NLGN1: variants seen among roughly 807,000 people sequenced by gnomAD.
NLGN1 encodes neuroligin-1.
NLGN1 carries 12 observed loss-of-function variants against 65.5 expected under a neutral mutation model. The observed-to-expected ratio is 0.18, with a 90% CI of 0.12 to 0.30. The LOEUF (loss-of-function observed/expected upper bound fraction) is 0.30. NLGN1 is among the 10% of genes least tolerant of loss of function. The pLI is 1.00. For missense variants in NLGN1, 750 were observed against 1,007.1 expected, an observed-to-expected ratio of 0.74 and a Z score of 3.46; for synonymous variants, 350 against 359.5, an observed-to-expected ratio of 0.97 and a Z score of 0.30.
In NLGN1 at chr3:173,714,150, T is replaced by A. The variant is rs566118322; in HGVS notation, c.494-93530T>A. On this transcript the variant is annotated intron_variant, in intron 3 of 6. Coordinates refer to ENST00000457714, the Ensembl canonical transcript of NLGN1. ...ACAGCGTCTTTTGAAAACATTTATT[T>A]TTTATTGTTGTTATATTGTCACCTC... 5.4e-4 allele frequency among the ~76,000 whole-genome samples: 82 copies of A among 152,284 alleles called. 1 individual carries two copies. The highest frequency in any genetic ancestry group is 6.8e-3 in the Middle Eastern group (2 of 294).
intron 2 of NLGN1, among the ~76,000 whole-genome samples, chr3:173,483,459 A>G (rs936048396): frequency 1.3e-5 from 2 of 152,092 alleles, no homozygotes; most frequent in African/African-American, 4.8e-5. Flanking sequence ...AATTAATGTT[A>G]TTCTACTAGT....
intron 1 of NLGN1, among the ~76,000 whole-genome samples, chr3:173,412,519 T>A (rs1019226717): frequency 2.0e-5 from 3 of 151,304 alleles, no homozygotes; most frequent in Non-Finnish European, 2.9e-5. Context: ...TTTTTTTTAA[T>A]GAGGAAATAG....
chr3:173,657,460 C>T (rs1053684771), intron 3 of NLGN1, among the ~76,000 whole-genome samples: 1 of 151,876 alleles, frequency 6.6e-6, no homozygotes, highest in Non-Finnish European at 1.5e-5. Flanking sequence ...TCCCTCCTGC[C>T]CCCTTTGTTT....
intron 1 of NLGN1, among the ~76,000 whole-genome samples, chr3:173,401,943 CAT>C (rs1352551220): frequency 7.9e-5 from 12 of 152,252 alleles, no homozygotes; most frequent in Non-Finnish European, 1.8e-4. Context: ...AGAATGGAAA[CAT>C]ATAGCGCTTC....
At chr3:173,930,722 A>C (rs968511130) in intron 4 of NLGN1, among the ~76,000 whole-genome samples, 10 of 152,184 alleles carry the variant, frequency 6.6e-5, no homozygotes, top group Non-Finnish European at 1.5e-5. Context: ...TTCATAATAA[A>C]AGAGAACACA....
chr3:174,164,162 G>A (rs1000903937), intron 4 of NLGN1, among the ~76,000 whole-genome samples: 13 of 151,920 alleles, frequency 8.6e-5, no homozygotes, highest in African/African-American at 1.2e-4. Context: ...TCTTATTGTC[G>A]TTTTGATTTG....
intron 2 of NLGN1, among the ~76,000 whole-genome samples, chr3:173,479,412 A>G (rs1284846093): frequency 6.6e-6 from 1 of 152,216 alleles, no homozygotes; most frequent in Non-Finnish European, 1.5e-5. Context: ...GTAGGTCAGG[A>G]ATAGAACTGG....
chr3:174,078,999 T>G (rs907054376), intron 4 of NLGN1, among the ~76,000 whole-genome samples: 2 of 150,318 alleles, frequency 1.3e-5, no homozygotes, highest in Non-Finnish European at 1.5e-5. Flanking sequence ...TACAACGGTG[T>G]GTGTGTGTGT....
chr3:174,288,358 G>T (rs943946582), downstream of NLGN1, among the ~76,000 whole-genome samples: 5 of 151,428 alleles, frequency 3.3e-5, no homozygotes, highest in Non-Finnish European at 7.4e-5. Context: ...CCCCATAAGT[G>T]GTTCCTTAAT....
At chr3:173,539,884 A>G (rs1039465318) in intron 2 of NLGN1, among the ~76,000 whole-genome samples, 2 of 139,998 alleles carry the variant, frequency 1.4e-5, no homozygotes, top group East Asian at 2.2e-4. Flanking sequence ...TCTTATATAT[A>G]TGTTATATAT....
intron 2 of NLGN1, among the ~76,000 whole-genome samples, chr3:173,491,714 G>A (rs946574223): frequency 1.3e-5 from 2 of 151,622 alleles, no homozygotes; most frequent in Non-Finnish European, 1.5e-5. Flanking sequence ...ATACATTTAT[G>A]ACTTCCATAT....
intron 4 of NLGN1, among the ~76,000 whole-genome samples, chr3:173,810,321 AG>A (rs1377844045): frequency 6.6e-6 from 1 of 152,220 alleles, no homozygotes; most frequent in Non-Finnish European, 1.5e-5. Flanking sequence ...TTTGTCTAAC[AG>A]TAAAAAGGTA....
rs1273074189 is a variant in NLGN1, at chr3:173,816,600, C to T, written c.646+8768C>T. Among the ~76,000 whole-genome samples, 3 of 152,232 alleles carry T rather than the reference C, an allele frequency of 2.0e-5. No homozygotes were observed. The East Asian group carries it at 5.8e-4, about 29-fold the overall frequency. ...TGCTTAACCCACTCTAGTGGCTTTC[C>T]ATTATTCATGTAGCATAAAATTCAA... On this transcript the variant is annotated intron_variant, in intron 4 of 6. Coordinates refer to ENST00000457714, the Ensembl canonical transcript of NLGN1.
chr3:174,186,242 A>T (rs1265764193), intron 4 of NLGN1, among the ~76,000 whole-genome samples: 3 of 152,046 alleles, frequency 2.0e-5, no homozygotes, highest in African/African-American at 7.2e-5. Flanking sequence ...AACAAACATG[A>T]CTGTCTTATT....
chr3:174,219,214 A>T (rs1258378212), intron 4 of NLGN1, among the ~76,000 whole-genome samples: 1 of 152,056 alleles, frequency 6.6e-6, no homozygotes, highest in East Asian at 1.9e-4. Context: ...AACCCATGGA[A>T]GATATTGCTA....
intron 3 of NLGN1, among the ~76,000 whole-genome samples, chr3:173,750,174 C>T (rs926613607): frequency 1.3e-5 from 2 of 151,700 alleles, no homozygotes; most frequent in African/African-American, 4.8e-5. Flanking sequence ...CTCCTTATCT[C>T]CTTCATATAG....
At chr3:174,100,008 TG>T (rs1712043613) in intron 4 of NLGN1, among the ~76,000 whole-genome samples, 1 of 152,186 alleles carries the variant, frequency 6.6e-6, no homozygotes, top group South Asian at 2.1e-4. Flanking sequence ...CTTGGCGGCT[TG>T]TTGATTTTTC....
intron 4 of NLGN1, among the ~76,000 whole-genome samples, chr3:173,949,821 C>T (rs1227238778): frequency 6.6e-6 from 1 of 152,152 alleles, no homozygotes; most frequent in African/African-American, 2.4e-5. Context: ...ATCATTATGT[C>T]TGGCATTGCT....
intron 2 of NLGN1, among the ~76,000 whole-genome samples, chr3:173,458,961 A>G (rs1722936125): frequency 6.6e-6 from 1 of 152,094 alleles, no homozygotes; most frequent in Admixed American, 6.6e-5. Flanking sequence ...AGACGCCACT[A>G]GAGTATCATT....
Sources: gnomAD v4.1 joint callset for allele counts (sites outside exome capture counted in the v4.1 genomes callset) on GRCh38, gnomAD v4.1.1 for gene constraint, MANE v1.5 for transcripts, NCBI Gene and HGNC (gene_info 2026-07-23, HGNC 2026-07-21) for gene names.